Variants in PDGFD observed in about 807,000 individuals in gnomAD.
PDGFD encodes platelet derived growth factor D.
PDGFD carries 30 observed loss-of-function variants against 44.7 expected under a neutral mutation model. That is an observed-to-expected ratio of 0.67 (90% CI 0.50 to 0.91). The LOEUF is 0.91. PDGFD is among the 40% of genes least tolerant of loss of function. The probability of loss-of-function intolerance (pLI) is 0.00; values close to 1 mark genes in which losing one functional copy is unlikely to be tolerated. For synonymous variants in PDGFD, 173 were observed against 168.4 expected, an observed-to-expected ratio of 1.03 and a Z score of -0.21; for missense variants, 445 against 457.8, an observed-to-expected ratio of 0.97 and a Z score of 0.25.
chr11:103,925,716 C>CACATATATATATATAT (rs1198529368), intron 6 of PDGFD, among the ~76,000 whole-genome samples: 105 of 122,764 alleles, frequency 8.6e-4, no homozygotes, highest in African/African-American at 3.3e-3. Context: ...CACACACACA[C>CACATATATATATATAT]ATATATATAT....
chr11:103,999,723 G>A (rs772954317), intron 2 of PDGFD, among the ~76,000 whole-genome samples: 4 of 152,156 alleles, frequency 2.6e-5, no homozygotes, highest in South Asian at 2.1e-4. Flanking sequence ...GCAGCTGCCC[G>A]TAACCTGGGA....
intron 1 of PDGFD, among the ~76,000 whole-genome samples, chr11:104,064,378 T>C (rs775404357): frequency 1.4e-4 from 22 of 152,204 alleles, no homozygotes; most frequent in Non-Finnish European, 2.6e-4. Flanking sequence ...AGATGCCAAA[T>C]GCACTTCAGA....
intron 3 of PDGFD, among the ~76,000 whole-genome samples, chr11:103,974,940 G>A (rs1183084610): frequency 1.3e-5 from 2 of 152,144 alleles, no homozygotes; most frequent in Non-Finnish European, 2.9e-5. Flanking sequence ...ATTGTCCATA[G>A]TGCTGAAATA....
At chr11:104,128,155 T>C (rs1049755000) in intron 1 of PDGFD, among the ~76,000 whole-genome samples, 7 of 120,122 alleles carry the variant, frequency 5.8e-5, no homozygotes, top group Non-Finnish European at 1.1e-4. Context: ...AAGTGTTAAA[T>C]CTACCCTGGA....
intron 1 of PDGFD, among the ~76,000 whole-genome samples, chr11:104,132,430 A>C (rs1861938398): frequency 6.6e-6 from 1 of 152,080 alleles, no homozygotes; most frequent in Non-Finnish European, 1.5e-5. Context: ...GTTGGAAACA[A>C]AATTCTTAAT....
At chr11:104,046,781 GT>G (rs1286706182) in intron 1 of PDGFD, among the ~76,000 whole-genome samples, 1 of 146,792 alleles carries the variant, frequency 6.8e-6, no homozygotes, top group African/African-American at 2.5e-5. Context: ...TGGGATACAT[GT>G]TTAGAACGTG....
intron 5 of PDGFD, among the ~76,000 whole-genome samples, chr11:103,927,887 G>A (rs1300118557): frequency 6.6e-6 from 1 of 152,196 alleles, no homozygotes; most frequent in African/African-American, 2.4e-5. Flanking sequence ...AGAATTGAAT[G>A]TAACGTGCCT....
chr11:103,909,786 T>A lies in PDGFD; in HGVS notation c.1021A>T (p.Arg341Trp), dbSNP rs774777234. ...LQFEPGHIKR[R>W]GRAKTMALVD... ...AGAGCCATGGTCTTAGCTCTACCCC[T>A]CCTCTTGATGTGGCCAGGCTCAAAC... The change falls in exon 7 of 7, where the codon AGG (arginine) becomes TGG (tryptophan). Residue 341 changes from arginine (R) to tryptophan (W), a missense_variant. Physicochemically the swap from Arg to Trp is moderately radical, Grantham distance 101. Transcript: ENST00000393158. 5.6e-6 allele frequency: 9 copies of A among 1,613,994 alleles called. No individual in the cohort carries two copies. The highest frequency in any genetic ancestry group is 7.6e-6 in the Non-Finnish European group (9 of 1,179,984).
At chr11:104,039,730 C>T (rs1210383537) in intron 1 of PDGFD, among the ~76,000 whole-genome samples, 1 of 152,050 alleles carries the variant, frequency 6.6e-6, no homozygotes, top group East Asian at 1.9e-4. Flanking sequence ...AAGCAAAATG[C>T]TTATGAATAA....
At chr11:104,029,580 T>A (rs1402667539) in intron 1 of PDGFD, among the ~76,000 whole-genome samples, 7 of 152,370 alleles carry the variant, frequency 4.6e-5, no homozygotes, top group East Asian at 1.9e-4. Context: ...GTACATTTTT[T>A]AAAATTTCTT....
chr11:104,082,027 A>G lies in PDGFD; in HGVS notation c.125-81772T>C, dbSNP rs148697541. Among the ~76,000 whole-genome samples, 1,245 of 150,918 alleles carry G rather than the reference A, an allele frequency of 8.2e-3. 14 individuals are homozygous for G. Among genetic ancestry groups the G allele is most frequent in the African/African-American group, 0.028 (1,166 of 40,952 alleles). ...CTTGGTGTAGGAGATTGAGCTCCCA[A>G]AGTTTTGTTCTTTATAGAGGTGCCA... On this transcript the variant is annotated intron_variant, in intron 1 of 6. Transcript: ENST00000393158.
intron 1 of PDGFD, among the ~76,000 whole-genome samples, chr11:104,083,613 TC>T (rs759534062): frequency 6.6e-6 from 1 of 152,070 alleles, no homozygotes; most frequent in African/African-American, 2.4e-5. Flanking sequence ...AATTCTATTG[TC>T]CCAATACAAA....
chr11:103,982,208 A>G (rs1404758237), intron 3 of PDGFD, among the ~76,000 whole-genome samples: 1 of 151,776 alleles, frequency 6.6e-6, no homozygotes, highest in East Asian at 1.9e-4. Flanking sequence ...CTTTCAGATT[A>G]CTATAGACAT....
In PDGFD at chr11:104,127,471, G is replaced by A. The variant is rs75554366; in HGVS notation, c.124+36333C>T. Among the ~76,000 whole-genome samples the A allele has an allele frequency of 6.1e-3, 927 of 152,190 alleles. 11 individuals carry two copies. Among genetic ancestry groups the A allele is most frequent in the African/African-American group, 0.021 (869 of 41,546 alleles). On this transcript the variant is annotated intron_variant, in intron 1 of 6. Transcript: ENST00000393158. Reference sequence around the variant, plus strand: ...ACTTTTTGAAGGGAATTGTGCTGTGGGGAAATCTGGATTCGAACCTGGTTT... The same window carrying A: ...ACTTTTTGAAGGGAATTGTGCTGTGAGGAAATCTGGATTCGAACCTGGTTT...
chr11:103,973,101 G>A (rs1470356449), intron 3 of PDGFD, among the ~76,000 whole-genome samples: 1 of 151,052 alleles, frequency 6.6e-6, no homozygotes, highest in Non-Finnish European at 1.5e-5. Flanking sequence ...CATAGTATAA[G>A]AAGGCATTAA....
At chr11:104,080,853 C>T (rs1343608450) in intron 1 of PDGFD, among the ~76,000 whole-genome samples, 1 of 152,184 alleles carries the variant, frequency 6.6e-6, no homozygotes, top group South Asian at 2.1e-4. Context: ...GCTGCCATGT[C>T]ATGAGGACAC....
intron 1 of PDGFD, among the ~76,000 whole-genome samples, chr11:104,040,144 A>G (rs78291485): frequency 0.019 from 2,864 of 152,200 alleles, 106 homozygotes; most frequent in African/African-American, 0.065. Flanking sequence ...TAAACTTTTT[A>G]ATATATGAAA....
At chr11:104,121,917 T>C (rs1236343185) in intron 1 of PDGFD, among the ~76,000 whole-genome samples, 1 of 152,078 alleles carries the variant, frequency 6.6e-6, no homozygotes, top group African/African-American at 2.4e-5. Context: ...TTATCTAATT[T>C]CATAGTTGAA....
intron 1 of PDGFD, among the ~76,000 whole-genome samples, chr11:104,114,065 G>A (rs943954756): frequency 1.3e-4 from 20 of 151,636 alleles, no homozygotes; most frequent in African/African-American, 4.1e-4. Context: ...TTCTCTTTAT[G>A]GTGTCTTTTA....
Sources: allele counts gnomAD v4.1 joint callset (sites outside exome capture counted in the v4.1 genomes callset), GRCh38; gene constraint gnomAD v4.1.1; transcripts MANE v1.5; gene names NCBI Gene and HGNC (gene_info 2026-07-23, HGNC 2026-07-21).